The following EPB41L1 variants were observed in gnomAD, a reference collection of about 807,000 sequenced individuals.
EPB41L1 encodes band 4.1-like protein 1.
Under a neutral mutation model 97.8 loss-of-function variants are expected in EPB41L1, and 29 were observed. That is an observed-to-expected ratio of 0.30 (90% CI 0.22 to 0.40). The LOEUF (loss-of-function observed/expected upper bound fraction) is 0.40. EPB41L1 is among the 10% of genes least tolerant of loss of function. EPB41L1 has a pLI of 1.00. For synonymous variants in EPB41L1, 383 were observed against 459.2 expected (o/e 0.83, Z 2.12); for missense variants, 812 against 1,162.3 (o/e 0.70, Z 4.38).
At chr20:36,173,707 C>T (rs1165657830) in intron 1 of EPB41L1, 57 bp from the exon 2 acceptor site, 20 of 1,524,594 alleles carry the variant, frequency 1.3e-5, no homozygotes, top group South Asian at 6.7e-5. Flanking sequence ...CTGCCCCTCT[C>T]GCTGTCATAC....
At chr20:36,156,316 A>G (rs545542978) in intron 1 of EPB41L1, among the ~76,000 whole-genome samples, 1 of 152,344 alleles carries the variant, frequency 6.6e-6, no homozygotes, top group South Asian at 2.1e-4. Flanking sequence ...CATTGTTCCT[A>G]TTAAAGCCCT....
At chr20:36,166,899 A>C (rs751726490) in intron 1 of EPB41L1, among the ~76,000 whole-genome samples, 1 of 152,158 alleles carries the variant, frequency 6.6e-6, no homozygotes, top group Non-Finnish European at 1.5e-5. Flanking sequence ...CACCCAACCC[A>C]GCATGCTTGC....
intron 2 of EPB41L1, among the ~76,000 whole-genome samples, chr20:36,141,531 G>T (rs1189631099): frequency 6.6e-6 from 1 of 152,196 alleles, no homozygotes; most frequent in African/African-American, 2.4e-5. Context: ...CAAAGCCAGA[G>T]AGGCAGCCCA....
rs762553967 is a variant in EPB41L1, at chr20:36,207,184, G to C, written c.1669-2304G>C. On this transcript the variant is annotated intron_variant, in intron 14 of 21. Transcript: ENST00000338074. The surrounding 1 kb of genome is among the most constrained non-coding windows in gnomAD (Gnocchi z 4.9). ...GTCAGGGGAGCCTTCGGAGCTCAGG[G>C]AGCCCTTTCTTAGACATGTCCATCT... is the stretch of plus-strand genomic sequence containing the variant. The C allele has an allele frequency of 2.9e-5, 37 of 1,288,300 alleles. No homozygotes were observed. The highest frequency in any genetic ancestry group is 4.2e-4 in the Middle Eastern group (2 of 4,714). 79.8% of individuals were successfully genotyped at this position (1,288,300 alleles called of 1,614,324 possible).
At chr20:36,224,559 T>A (rs1009616099) in intron 21 of EPB41L1, among the ~76,000 whole-genome samples, 1 of 152,182 alleles carries the variant, frequency 6.6e-6, no homozygotes, top group Non-Finnish European at 1.5e-5. Flanking sequence ...GGCAGGAGAT[T>A]TGCCTTAACC....
intron 2 of EPB41L1, among the ~76,000 whole-genome samples, chr20:36,120,281 C>A (rs2058711479): frequency 6.6e-6 from 1 of 152,198 alleles, no homozygotes; most frequent in Non-Finnish European, 1.5e-5. Flanking sequence ...GGAAAGGTGT[C>A]ATAATTTGCC....
intron 5 of EPB41L1, 51 bp from the exon 6 acceptor site, chr20:36,182,221 C>T: frequency 1.3e-6 from 2 of 1,551,256 alleles, no homozygotes; most frequent in Non-Finnish European, 1.8e-6. Context: ...GCATCTGGAC[C>T]ACCCAGTGGG....
intron 2 of EPB41L1, among the ~76,000 whole-genome samples, chr20:36,136,852 G>A (rs546122803): frequency 4.7e-4 from 72 of 151,878 alleles, no homozygotes; most frequent in Admixed American, 1.2e-3. Flanking sequence ...CCAAAGTAAC[G>A]GGATTACAGG....
intron 1 of EPB41L1, chr20:36,110,622 T>TACACACACACACACACACACACAC (rs11473679): frequency 7.2e-6 from 1 of 138,780 alleles, no homozygotes; most frequent in African/African-American, 2.7e-5. Context: ...CAGTTTGCTT[T>TACACACACACACACACACACACAC]ACACACACAC....
At chr20:36,110,920 C>T (rs2058381146) in intron 1 of EPB41L1, 1 of 152,184 alleles carries the variant, frequency 6.6e-6, no homozygotes, top group African/African-American at 2.4e-5. Flanking sequence ...AGTGGTTTAG[C>T]TGGGCTCCAG....
At chr20:36,094,574 A>G (rs1317554670) in intron 1 of EPB41L1, among the ~76,000 whole-genome samples, 1 of 152,168 alleles carries the variant, frequency 6.6e-6, no homozygotes, top group East Asian at 1.9e-4. Flanking sequence ...TGGCTTGCCA[A>G]GATACAGGAC....
chr20:36,119,389 G>C (rs896166824), intron 2 of EPB41L1, among the ~76,000 whole-genome samples: 1 of 152,182 alleles, frequency 6.6e-6, no homozygotes, highest in South Asian at 2.1e-4. Flanking sequence ...GATCGCTGGA[G>C]GTCAGTAGTT....
intron 2 of EPB41L1, among the ~76,000 whole-genome samples, chr20:36,143,700 GTA>G (rs950355976): frequency 5.3e-5 from 8 of 152,158 alleles, no homozygotes; most frequent in African/African-American, 1.9e-4. Context: ...ATAAAGGTAG[GTA>G]TGTGTGTGTG....
intron 14 of EPB41L1, among the ~76,000 whole-genome samples, chr20:36,200,046 CACCCTGGAGCTATGG>C (rs1345565693): frequency 6.6e-6 from 1 of 152,190 alleles, no homozygotes; most frequent in Non-Finnish European, 1.5e-5. Context: ...TCCAGGAGCT[CACCCTGGAGCTATGG>C]ACCATTCAGA....
intron 1 of EPB41L1, among the ~76,000 whole-genome samples, chr20:36,170,499 T>C (rs1188580179): frequency 6.6e-6 from 1 of 152,266 alleles, no homozygotes; most frequent in African/African-American, 2.4e-5. Context: ...TTACGTTTTT[T>C]TCCTTAACTC....
intron 2 of EPB41L1, among the ~76,000 whole-genome samples, chr20:36,124,091 A>G (rs2058860692): frequency 6.6e-6 from 1 of 152,070 alleles, no homozygotes; most frequent in Non-Finnish European, 1.5e-5. Context: ...TACTAAAAAT[A>G]CAAAAAAAAA....
chr20:36,164,668 A>G (rs2060664769), intron 1 of EPB41L1, among the ~76,000 whole-genome samples: 1 of 151,916 alleles, frequency 6.6e-6, no homozygotes, highest in South Asian at 2.1e-4. Context: ...CAGAATATTC[A>G]CTTTTTATTT....
chr20:36,166,462 G>A (rs886791186), intron 1 of EPB41L1, among the ~76,000 whole-genome samples: 3 of 152,182 alleles, frequency 2.0e-5, no homozygotes, highest in East Asian at 1.9e-4. Context: ...CAAGAACTGC[G>A]CTGAGCCCTG....
At chr20:36,187,323 A>T (rs946952523) in intron 7 of EPB41L1, among the ~76,000 whole-genome samples, 3 of 152,232 alleles carry the variant, frequency 2.0e-5, no homozygotes, top group Admixed American at 1.3e-4. Context: ...CTGGGTGATG[A>T]TAATGAACAA....
Sources: allele counts gnomAD v4.1 joint callset (sites outside exome capture counted in the v4.1 genomes callset), GRCh38; gene constraint gnomAD v4.1.1; non-coding constraint Gnocchi (gnomAD v3.1); transcripts MANE v1.5; gene names NCBI Gene and HGNC (gene_info 2026-07-23, HGNC 2026-07-21).